Variants in MINK1 observed in about 807,000 individuals in gnomAD.
MINK1 encodes misshapen-like kinase 1.
Under a neutral mutation model 178.4 loss-of-function variants are expected in MINK1, and 46 were observed. The observed-to-expected ratio is 0.26, with a 90% CI of 0.20 to 0.33. The LOEUF is 0.33. Among genes scored for constraint, MINK1 ranks in the 10% least tolerant of loss-of-function variants. The probability of loss-of-function intolerance (pLI) is 1.00; values close to 1 mark genes in which losing one functional copy is unlikely to be tolerated. For missense variants in MINK1, 1,366 were observed against 1,814.9 expected, an observed-to-expected ratio of 0.75 and a Z score of 4.49; for synonymous variants, 797 against 709.7, an observed-to-expected ratio of 1.12 and a Z score of -1.96.
chr17:4,864,640 G>T (rs759738379), intron 1 of MINK1, among the ~76,000 whole-genome samples: 2 of 151,994 alleles, frequency 1.3e-5, no homozygotes, highest in Non-Finnish European at 2.9e-5. Context: ...CAGGAGAATC[G>T]CTTGAACCCG....
At chr17:4,875,497 G>A (rs1282761503) in intron 1 of MINK1, 8 of 453,748 alleles carry the variant, frequency 1.8e-5, no homozygotes, top group South Asian at 1.2e-4. Flanking sequence ...ATGAGGCCGT[G>A]CGCAGTGGCT....
In MINK1 at chr17:4,885,739, A is replaced by G. The variant is rs1325214388; in HGVS notation, c.639+126A>G. On this transcript the variant is annotated intron_variant, in intron 7 of 31. Transcript: ENST00000355280. The surrounding 1 kb of genome is among the most constrained non-coding windows in gnomAD (Gnocchi z 5.0). ...GATGTTAGCAGTGAGGGGCTGGGGAACATCTTACGGCAAGGCAAGTGTGGG... is the reference window on the plus strand; with the variant it reads ...GATGTTAGCAGTGAGGGGCTGGGGAGCATCTTACGGCAAGGCAAGTGTGGG... 6.9e-6 allele frequency: 10 copies of G among 1,443,388 alleles called. 1 individual carries two copies. In the Admixed American group the frequency reaches 1.8e-4, roughly 26 times the overall value. The allele number at this position is 1,443,388 out of a possible 1,614,324, so 89.4% of individuals were successfully genotyped here.
At chr17:4,835,699 C>T (rs1020830407) in intron 1 of MINK1, among the ~76,000 whole-genome samples, 1 of 152,156 alleles carries the variant, frequency 6.6e-6, no homozygotes, top group Non-Finnish European at 1.5e-5. Context: ...TTGTGGGACT[C>T]TGCTTGGGTT....
At chr17:4,834,769 C>G (rs182835518) in intron 1 of MINK1, 2 of 519,892 alleles carry the variant, frequency 3.8e-6, no homozygotes, top group African/African-American at 1.9e-5. Flanking sequence ...GCAGGACTTC[C>G]CATCTCTAGG....
intron 1 of MINK1, chr17:4,844,604 C>A: frequency 2.0e-6 from 1 of 505,266 alleles, no homozygotes; most frequent in Non-Finnish European, 3.9e-6. Context: ...TGGGTTGGCA[C>A]TGGGGAGCAC....
At chr17:4,875,348 G>A (rs866996549) in intron 1 of MINK1, among the ~76,000 whole-genome samples, 3 of 152,166 alleles carry the variant, frequency 2.0e-5, no homozygotes, top group African/African-American at 7.2e-5. Flanking sequence ...GCTGGGTCAT[G>A]CCTATAATAT....
intron 1 of MINK1, among the ~76,000 whole-genome samples, chr17:4,871,830 C>T (rs1915893184): frequency 6.6e-6 from 1 of 152,180 alleles, no homozygotes; most frequent in African/African-American, 2.4e-5. Flanking sequence ...CCCTCAGCAA[C>T]GCTTTTGATT....
In MINK1 at chr17:4,896,904, G is replaced by A; in HGVS notation, c.3915+91G>A. The A allele has an allele frequency of 6.8e-7, 1 of 1,462,256 alleles. No individual in the cohort carries two copies. The highest frequency in any genetic ancestry group is 9.1e-7 in the Non-Finnish European group (1 of 1,104,200). 90.6% of individuals were successfully genotyped at this position (1,462,256 alleles called of 1,614,324 possible). A position where few individuals can be genotyped will look rare whatever the true frequency, so the allele number is the denominator to read the frequency against. On this transcript the variant is annotated intron_variant, in intron 31 of 31. Coordinates refer to ENST00000355280, the MANE Select transcript of MINK1 (RefSeq NM_153827.5). This position sits in a 1 kb window ranked among gnomAD's most constrained non-coding sequence, Gnocchi z 4.6. ...GAGTTCTGGGGAGAGGATGGTGGTG[G>A]TGGCTTCCTGAAAGCGGGCCCCTCT...
intron 1 of MINK1, among the ~76,000 whole-genome samples, chr17:4,838,014 C>T (rs2150729549): frequency 6.6e-6 from 1 of 152,278 alleles, no homozygotes; most frequent in South Asian, 2.1e-4. Context: ...GGCTGCTGAG[C>T]AACGTGGGAC....
chr17:4,886,546 G>A lies in MINK1; in HGVS notation c.869G>A (p.Arg290Gln), dbSNP rs546716977. Residue 290 changes from arginine (R) to glutamine (Q), a missense_variant, in exon 10 of 32, where the codon CGG becomes CAG. By Grantham distance (43) the Arg-to-Gln change is conservative. This residue lies in a region of MINK1 where 109 missense variants were observed against 369.4 expected (regional missense o/e 0.30). Coordinates refer to ENST00000355280, the MANE Select transcript of MINK1 (RefSeq NM_153827.5). This position sits in a 1 kb window ranked among gnomAD's most constrained non-coding sequence, Gnocchi z 6.1. ...TEQLLKFPFI[R>Q]DQPTERQVRI... ...CAGCTACTGAAGTTTCCCTTCATCC[G>A]GGACCAGCCCACGGAGCGGCAGGTC... 1.2e-6 allele frequency: 2 copies of A among 1,613,692 alleles called. No homozygotes were observed. Among genetic ancestry groups the A allele is most frequent in the African/African-American group, 1.3e-5 (1 of 75,032 alleles).
chr17:4,844,553 G>C (rs761481982), intron 1 of MINK1: 1 of 509,312 alleles, frequency 2.0e-6, no homozygotes, highest in Non-Finnish European at 3.9e-6. Flanking sequence ...TCTTTTTGAG[G>C]TGGGGAGAGT....
At chr17:4,845,670 C>A (rs1326650040) in intron 1 of MINK1, among the ~76,000 whole-genome samples, 2 of 151,098 alleles carry the variant, frequency 1.3e-5, no homozygotes, top group African/African-American at 2.4e-5. Flanking sequence ...GAGTCTTGCT[C>A]TGTCACCCAG....
chr17:4,890,619 C>G lies in MINK1; in HGVS notation c.1450C>G (p.Gln484Glu). The change falls in exon 14 of 32, where the codon CAG becomes GAG. Residue 484 changes from glutamine (Q) to glutamate (E), a missense_variant. By Grantham distance (29) the Gln-to-Glu change is conservative. This residue lies in a region of MINK1 where 11 missense variants were observed against 28.5 expected (regional missense o/e 0.39). Transcript: ENST00000355280. ...AYLKSLQQQQ[Q>E]QQQLQKQQQQ... Reference sequence around the variant, plus strand: ...CCTCAAGTCCCTGCAGCAGCAGCAACAGCAGCAGCAGCTTCAGAAACAGCA... The same window carrying G: ...CCTCAAGTCCCTGCAGCAGCAGCAAGAGCAGCAGCAGCTTCAGAAACAGCA... The G allele has an allele frequency of 1.9e-6, 3 of 1,557,134 alleles. No homozygotes were observed. Among genetic ancestry groups the G allele is most frequent in the Non-Finnish European group, 2.6e-6 (3 of 1,150,734 alleles).
chr17:4,838,448 A>T (rs1306242250), intron 1 of MINK1, among the ~76,000 whole-genome samples: 1 of 152,050 alleles, frequency 6.6e-6, no homozygotes, highest in Non-Finnish European at 1.5e-5. Flanking sequence ...GCTCAATTAA[A>T]ACTCTGCTGG....
intron 1 of MINK1, among the ~76,000 whole-genome samples, chr17:4,841,947 C>G (rs12450774): frequency 0.032 from 4,890 of 152,166 alleles, 203 homozygotes; most frequent in Admixed American, 0.14. Flanking sequence ...GAGCACCGGG[C>G]ACGGTGGCTC....
chr17:4,871,769 G>C (rs1915885740), intron 1 of MINK1, among the ~76,000 whole-genome samples: 1 of 152,118 alleles, frequency 6.6e-6, no homozygotes, highest in Non-Finnish European at 1.5e-5. Context: ...AAAGTGGCTG[G>C]ACCATTTTAC....
At chr17:4,881,297 C>A (rs1429605209) in intron 4 of MINK1, 40 bp downstream of exon 4, 6 of 1,531,754 alleles carry the variant, frequency 3.9e-6, no homozygotes, top group South Asian at 1.2e-5. Context: ...TCCCCGCAAT[C>A]CCTGTCTCCG....
chr17:4,864,883 C>G (rs940716323), intron 1 of MINK1, among the ~76,000 whole-genome samples: 61 of 152,256 alleles, frequency 4.0e-4, no homozygotes, highest in Non-Finnish European at 1.3e-4. Context: ...GTTAGACCAC[C>G]GCAGCTTGAA....
intron 2 of MINK1, 37 bp from the exon 3 acceptor site, chr17:4,880,947 C>A: frequency 6.9e-7 from 1 of 1,451,560 alleles, no homozygotes. Flanking sequence ...CTACGCTCCA[C>A]CCTCTGAGCA....
Sources: allele counts gnomAD v4.1 joint callset (sites outside exome capture counted in the v4.1 genomes callset), GRCh38; gene constraint gnomAD v4.1.1; regional missense constraint gnomAD v4.1.1; non-coding constraint Gnocchi (gnomAD v3.1); transcripts MANE v1.5; gene names NCBI Gene and HGNC (gene_info 2026-07-23, HGNC 2026-07-21).